The following LDLRAD4 variants were observed in gnomAD, a reference collection of about 807,000 sequenced individuals.
The protein encoded by LDLRAD4 is low-density lipoprotein receptor class A domain-containing protein 4.
In LDLRAD4, 5 loss-of-function variants were observed where a neutral mutation model predicts 17.0. That is an observed-to-expected ratio of 0.29 (90% CI 0.15 to 0.62). The LOEUF is 0.62. LDLRAD4 is among the 20% of genes least tolerant of loss of function. LDLRAD4 has a pLI of 0.84. For synonymous variants in LDLRAD4, 168 were observed against 171.8 expected (o/e 0.98, Z 0.17); for missense variants, 340 against 424.7 (o/e 0.80, Z 1.75).
intron 3 of LDLRAD4, among the ~76,000 whole-genome samples, chr18:13,445,259 G>A (rs1555688918): frequency 2.6e-5 from 4 of 152,178 alleles, no homozygotes; most frequent in East Asian, 1.9e-4. Context: ...GTGTGTGTAT[G>A]CATGAGATGT....
At chr18:13,513,360 C>A (rs904832410) in intron 3 of LDLRAD4, among the ~76,000 whole-genome samples, 1 of 152,210 alleles carries the variant, frequency 6.6e-6, no homozygotes, top group Admixed American at 6.5e-5. Context: ...TCACATTTTC[C>A]GTGTTAACCA....
chr18:13,645,462 C>A lies in LDLRAD4; in HGVS notation c.726C>A (p.Cys242Ter). 6.2e-7 allele frequency: 1 copy of A among 1,612,924 alleles called. No individual in the cohort carries two copies. ...ACTCGGGCATCAGTGCAAGCACCTG[C>A]AGCAGTAACGGGAGGATGGAGGGGC... The change falls in exon 6 of 6, where the codon TGC becomes TGA. Residue 242 changes from cysteine (C) to a stop codon, truncating the protein, a stop_gained. Coordinates refer to ENST00000359446, the Ensembl canonical transcript of LDLRAD4. LOFTEE classifies it high-confidence loss of function. This position sits in a 1 kb window ranked among gnomAD's most constrained non-coding sequence, Gnocchi z 5.7.
chr18:13,559,867 G>A (rs1601384039), intron 3 of LDLRAD4, among the ~76,000 whole-genome samples: 1 of 65,182 alleles, frequency 1.5e-5, no homozygotes, highest in African/African-American at 4.5e-5. Flanking sequence ...CAGCACAGCT[G>A]GTACACAGCC....
At chr18:13,316,020 G>A (rs2080913625) in intron 1 of LDLRAD4, among the ~76,000 whole-genome samples, 1 of 152,142 alleles carries the variant, frequency 6.6e-6, no homozygotes, top group Non-Finnish European at 1.5e-5. Flanking sequence ...AAAAGGCCCA[G>A]CGTGCAAAGG....
chr18:13,475,752 C>G (rs2092923590), intron 3 of LDLRAD4, among the ~76,000 whole-genome samples: 1 of 152,276 alleles, frequency 6.6e-6, no homozygotes, highest in South Asian at 2.1e-4. Context: ...TCACAATAAG[C>G]AGCCGTGCAT....
chr18:13,408,790 A>G (rs1210652134), intron 2 of LDLRAD4, among the ~76,000 whole-genome samples: 2 of 152,166 alleles, frequency 1.3e-5, no homozygotes, highest in East Asian at 3.9e-4. Context: ...TTTGGCTTGG[A>G]AGTTAGGATG....
intron 1 of LDLRAD4, among the ~76,000 whole-genome samples, chr18:13,228,939 A>G (rs1419656365): frequency 1.3e-5 from 2 of 152,232 alleles, no homozygotes; most frequent in African/African-American, 4.8e-5. Flanking sequence ...AATGAAGCGG[A>G]GCAGTTGTTA....
At chr18:13,354,026 G>A (rs1338306010) in intron 1 of LDLRAD4, among the ~76,000 whole-genome samples, 1 of 152,080 alleles carries the variant, frequency 6.6e-6, no homozygotes, top group East Asian at 1.9e-4. Flanking sequence ...ATACAACAGT[G>A]ATTTAACTCA....
At chr18:13,574,245 G>T (rs989245315) in intron 3 of LDLRAD4, among the ~76,000 whole-genome samples, 2 of 152,202 alleles carry the variant, frequency 1.3e-5, no homozygotes, top group Admixed American at 6.5e-5. Context: ...TTTTGTGTGT[G>T]GGTATTAGAA....
chr18:13,390,274 C>T (rs763621487), intron 2 of LDLRAD4, among the ~76,000 whole-genome samples: 8 of 152,202 alleles, frequency 5.3e-5, no homozygotes, highest in Non-Finnish European at 1.2e-4. Context: ...TCGCCACAGC[C>T]GCCGTTTTGG....
At chr18:13,239,846 A>AG (rs1445473032) in intron 1 of LDLRAD4, 17 of 152,252 alleles carry the variant, frequency 1.1e-4, no homozygotes, top group Non-Finnish European at 2.2e-4. Context: ...ACCAGCCATG[A>AG]GATGCCATGG....
chr18:13,353,104 G>A (rs2083139178), intron 1 of LDLRAD4, among the ~76,000 whole-genome samples: 1 of 151,978 alleles, frequency 6.6e-6, no homozygotes, highest in Admixed American at 6.6e-5. Flanking sequence ...CAGTGCCTAT[G>A]TTTCTTCAGG....
chr18:13,652,034 C>T lies in LDLRAD4; in HGVS notation c.*6377C>T, dbSNP rs956009728. Reference sequence around the variant, plus strand: ...TGTGGATCCTGCGTGTCTAGACCCACGTGTTGTTTCCATCGTATACTGTAG... The same window carrying T: ...TGTGGATCCTGCGTGTCTAGACCCATGTGTTGTTTCCATCGTATACTGTAG... On this transcript the variant is annotated 3_prime_UTR_variant, in exon 6 of 6. Transcript: ENST00000359446. The T allele has an allele frequency of 3.3e-5, 5 of 152,152 alleles. No homozygotes were observed. In the East Asian group the frequency reaches 7.7e-4, roughly 23 times the overall value. 9.4% of individuals were successfully genotyped at this position (152,152 alleles called of 1,614,324 possible).
chr18:13,406,624 T>C (rs2087778211), intron 2 of LDLRAD4, among the ~76,000 whole-genome samples: 1 of 152,232 alleles, frequency 6.6e-6, no homozygotes, highest in African/African-American at 2.4e-5. Flanking sequence ...ATTCTGACTA[T>C]CTCTGAGCGG....
intron 3 of LDLRAD4, among the ~76,000 whole-genome samples, chr18:13,539,587 A>G (rs2094247755): frequency 6.6e-6 from 1 of 151,856 alleles, no homozygotes; most frequent in African/African-American, 2.4e-5. Context: ...CCATGCACCT[A>G]TTTAGTATTT....
rs542609147 is a variant in LDLRAD4, at chr18:13,602,986, C to A, written c.182-18131C>A. Among the ~76,000 whole-genome samples, 24 of 152,106 alleles carry A rather than the reference C, an allele frequency of 1.6e-4. No individual in the cohort carries two copies. The South Asian group carries it at 3.7e-3, about 24-fold the overall frequency. ...TCAGAAAGAAAAGAAAGGCTATGGA[C>A]ATAACAAATTTAAAACAGTGAAAAA... On this transcript the variant is annotated intron_variant, in intron 3 of 5. Transcript: ENST00000359446.
chr18:13,387,831 G>C, intron 2 of LDLRAD4, 69 bp downstream of exon 3: 2 of 1,392,620 alleles, frequency 1.4e-6, no homozygotes, highest in Non-Finnish European at 2.0e-6. Flanking sequence ...CCAAACCACT[G>C]CATGCAGTGA....
chr18:13,245,981 G>T (rs974963306), intron 1 of LDLRAD4, among the ~76,000 whole-genome samples: 1 of 152,222 alleles, frequency 6.6e-6, no homozygotes, highest in Non-Finnish European at 1.5e-5. Flanking sequence ...TAAAAAGCCA[G>T]TATCTGCCTG....
chr18:13,408,976 T>C (rs140166353), intron 2 of LDLRAD4, among the ~76,000 whole-genome samples: 4 of 152,312 alleles, frequency 2.6e-5, no homozygotes, highest in African/African-American at 9.6e-5. Flanking sequence ...TTACATCATT[T>C]GGCTTTGTGT....
Sources: gnomAD v4.1 joint callset for allele counts (sites outside exome capture counted in the v4.1 genomes callset) on GRCh38, gnomAD v4.1.1 for gene constraint, Gnocchi (gnomAD v3.1) non-coding constraint, MANE v1.5 for transcripts, NCBI Gene and HGNC (gene_info 2026-07-23, HGNC 2026-07-21) for gene names.